SPTLC2: variants seen among roughly 807,000 people sequenced by gnomAD.
SPTLC2 encodes serine palmitoyltransferase 2.
In SPTLC2, 21 loss-of-function variants were observed where a neutral mutation model predicts 62.0. That is an observed-to-expected ratio of 0.34 (90% CI 0.24 to 0.49). The LOEUF is 0.49. Ranked by LOEUF, SPTLC2 falls within the 20% of genes least tolerant of loss-of-function variation. The pLI is 0.99. For synonymous variants in SPTLC2, 261 were observed against 261.8 expected (o/e 1.00, Z 0.03); for missense variants, 511 against 713.0 (o/e 0.72, Z 3.23).
chr14:77,563,046 C>T (rs1035965792), intron 5 of SPTLC2, among the ~76,000 whole-genome samples: 1 of 151,984 alleles, frequency 6.6e-6, no homozygotes, highest in Non-Finnish European at 1.5e-5. Flanking sequence ...ACATCAGTTT[C>T]TGCTAAGGCA....
At chr14:77,516,016 G>A (rs559807723) in intron 11 of SPTLC2, among the ~76,000 whole-genome samples, 10,190 of 39,678 alleles carry the variant, frequency 0.26, 522 homozygotes, top group Admixed American at 0.49. Context: ...GCGCGCGCGC[G>A]CATGTGTGTG....
chr14:77,551,771 C>T (rs1277962620), intron 9 of SPTLC2, among the ~76,000 whole-genome samples: 1 of 152,170 alleles, frequency 6.6e-6, no homozygotes, highest in African/African-American at 2.4e-5. Context: ...TGAAACATCA[C>T]TAACAGTGAA....
chr14:77,543,935 T>C (rs1566774945), intron 9 of SPTLC2, among the ~76,000 whole-genome samples: 1 of 152,204 alleles, frequency 6.6e-6, no homozygotes, highest in Non-Finnish European at 1.5e-5. Flanking sequence ...TCCAGTTTCT[T>C]TTCCTTTTTC....
At chr14:77,562,323 T>C (rs1271056725) in intron 6 of SPTLC2, 73 bp downstream of exon 6, 1 of 1,265,450 alleles carries the variant, frequency 7.9e-7, no homozygotes, top group Non-Finnish European at 1.2e-6. Flanking sequence ...CTAATATAAC[T>C]AATGTTAACT....
intron 5 of SPTLC2, among the ~76,000 whole-genome samples, chr14:77,567,351 A>T (rs2079651097): frequency 6.6e-6 from 1 of 152,240 alleles, no homozygotes; most frequent in Non-Finnish European, 1.5e-5. Context: ...GCATACAGAG[A>T]GAAGAGCAAG....
At chr14:77,548,433 A>G (rs2079540454) in intron 9 of SPTLC2, among the ~76,000 whole-genome samples, 1 of 152,256 alleles carries the variant, frequency 6.6e-6, no homozygotes, top group Non-Finnish European at 1.5e-5. Context: ...GCAAAATTTT[A>G]GTTGATTTGG....
At chr14:77,606,109 ATCATGAGGT>A (rs1178758386) in intron 1 of SPTLC2, among the ~76,000 whole-genome samples, 4 of 152,204 alleles carry the variant, frequency 2.6e-5, no homozygotes, top group Non-Finnish European at 5.9e-5. Context: ...AGGCAGGCTG[ATCATGAGGT>A]CAGGACTTCG....
At chr14:77,538,963 C>T (rs916238198) in intron 9 of SPTLC2, among the ~76,000 whole-genome samples, 1 of 151,766 alleles carries the variant, frequency 6.6e-6, no homozygotes, top group South Asian at 2.1e-4. Context: ...GTCACTTAAC[C>T]TCTGAGTTTG....
At chr14:77,537,108 A>T (rs1433764787) in intron 9 of SPTLC2, among the ~76,000 whole-genome samples, 1 of 152,006 alleles carries the variant, frequency 6.6e-6, no homozygotes, top group Non-Finnish European at 1.5e-5. Flanking sequence ...ATTTTAGTAG[A>T]GATGGGGTTT....
chr14:77,612,939 A>C (rs148935252), intron 1 of SPTLC2, among the ~76,000 whole-genome samples: 1 of 152,318 alleles, frequency 6.6e-6, no homozygotes, highest in East Asian at 1.9e-4. Flanking sequence ...TCAAAGGTAG[A>C]TAACTTTTTT....
intron 1 of SPTLC2, among the ~76,000 whole-genome samples, chr14:77,609,485 C>G (rs1453871642): frequency 6.6e-6 from 1 of 152,160 alleles, no homozygotes; most frequent in East Asian, 1.9e-4. Flanking sequence ...GCCTGTAATT[C>G]CAGCACTTTG....
intron 1 of SPTLC2, among the ~76,000 whole-genome samples, chr14:77,606,199 G>A (rs1052702599): frequency 6.6e-6 from 1 of 152,120 alleles, no homozygotes. Flanking sequence ...GCATGGTGGC[G>A]CACGCCCATA....
intron 9 of SPTLC2, among the ~76,000 whole-genome samples, chr14:77,532,204 G>T (rs1399253755): frequency 6.6e-6 from 1 of 152,128 alleles, no homozygotes; most frequent in Admixed American, 6.5e-5. Context: ...TTGTAAGATG[G>T]GGTAAGTGTT....
In SPTLC2 at chr14:77,527,041, G is replaced by A. The variant is rs146503030; in HGVS notation, c.1304-5460C>T. Among the ~76,000 whole-genome samples, 528 of 150,662 alleles carry A rather than the reference G, an allele frequency of 3.5e-3. 4 individuals carry two copies. Among genetic ancestry groups the A allele is most frequent in the African/African-American group, 0.012 (493 of 41,000 alleles). On this transcript the variant is annotated intron_variant, in intron 9 of 11. Coordinates refer to ENST00000216484, the MANE Select transcript of SPTLC2 (RefSeq NM_004863.4). ...GATCTCCTGACCTCATGATCCACCT[G>A]CCTCGGCCTCCCAAAGTGCTGGGAT...
Position 77,570,432 on chromosome 14 carries a change from G to A in SPTLC2, c.708C>T (p.Gly236=), listed in dbSNP as rs2140034136. 2 of 1,613,876 alleles carry A rather than the reference G, an allele frequency of 1.2e-6. No homozygotes were observed. The highest frequency in any genetic ancestry group is 3.3e-5 in the Admixed American group (2 of 60,006). Residue 236 remains glycine, a synonymous_variant, in exon 5 of 12, where the codon GGC becomes GGT. Transcript: ENST00000216484. The part of the protein sequence containing the change: ...FLGVEAAMAY[G]MGFATNSMNI... ...TCATTGAATTCGTTGCAAATCCCAT[G>A]CCATACGCCATAGCAGCTTCTACTC... is the stretch of plus-strand genomic sequence containing the variant.
At chr14:77,560,091 T>G (rs1324313233) in intron 6 of SPTLC2, among the ~76,000 whole-genome samples, 1 of 152,096 alleles carries the variant, frequency 6.6e-6, no homozygotes, top group Non-Finnish European at 1.5e-5. Context: ...AAATAAAAAC[T>G]AACATATTAT....
chr14:77,565,891 CTG>C (rs1243406843), intron 5 of SPTLC2, among the ~76,000 whole-genome samples: 1 of 152,136 alleles, frequency 6.6e-6, no homozygotes, highest in African/African-American at 2.4e-5. Context: ...CAGGAACTCT[CTG>C]TACTCTTTTG....
chr14:77,577,002 A>G (rs2079720034), intron 3 of SPTLC2, 87 bp from the exon 4 acceptor site: 3 of 1,467,234 alleles, frequency 2.0e-6, no homozygotes, highest in Non-Finnish European at 1.9e-6. Flanking sequence ...CACAAAAGGA[A>G]GCAGAGAGAA....
rs149498564 is a variant in SPTLC2, at chr14:77,543,900, C to G, written c.1303+8196G>C. ...GCAAATGCCTGTCTTACAAGCCAAA[C>G]ATCTCCCTCATTTGTATCTTGACTT... On this transcript the variant is annotated intron_variant, in intron 9 of 11. Coordinates refer to ENST00000216484, the MANE Select transcript of SPTLC2 (RefSeq NM_004863.4). Among the ~76,000 whole-genome samples the G allele has an allele frequency of 6.8e-3, 1,041 of 152,296 alleles. 17 individuals carry two copies. Among genetic ancestry groups the G allele is most frequent in the African/African-American group, 0.024 (978 of 41,556 alleles).
Sources: allele counts gnomAD v4.1 joint callset (sites outside exome capture counted in the v4.1 genomes callset), GRCh38; gene constraint gnomAD v4.1.1; transcripts MANE v1.5; gene names NCBI Gene and HGNC (gene_info 2026-07-23, HGNC 2026-07-21).